The following CASQ2 variants were observed in gnomAD, a reference collection of about 807,000 sequenced individuals.
CASQ2 encodes calsequestrin 2.
A neutral mutation model predicts 46.5 loss-of-function variants in CASQ2; 49 were observed. The observed-to-expected ratio is 1.05, with a 90% confidence interval of 0.84 to 1.34. CASQ2 has a LOEUF of 1.34. Ranked by LOEUF, CASQ2 falls within the 40% of genes most tolerant of loss-of-function variation. The pLI, the probability that CASQ2 is intolerant of heterozygous loss-of-function variation, is 0.00. For missense variants in CASQ2, 486 were observed against 481.3 expected (o/e 1.01, Z -0.09); for synonymous variants, 174 against 168.5 (o/e 1.03, Z -0.25).
intron 4 of CASQ2, among the ~76,000 whole-genome samples, chr1:115,736,164 GA>G (rs61418355): frequency 0.029 from 2,876 of 98,780 alleles, 28 homozygotes; most frequent in Middle Eastern, 0.04. Context: ...ACTCCATCCC[GA>G]AAAAAAAAAA....
At chr1:115,733,986 A>T (rs1474401971) in intron 4 of CASQ2, among the ~76,000 whole-genome samples, 2 of 151,938 alleles carry the variant, frequency 1.3e-5, no homozygotes, top group Non-Finnish European at 2.9e-5. Flanking sequence ...AGAGAGAGCT[A>T]TTGATCCTTA....
At chr1:115,768,202 G>A (rs1420494292) in intron 1 of CASQ2, 106 bp downstream of exon 1, 1 of 802,148 alleles carries the variant, frequency 1.2e-6, no homozygotes, top group Non-Finnish European at 2.3e-6. Flanking sequence ...GCAGAGTTCA[G>A]TATATATTCT....
intron 1 of CASQ2, among the ~76,000 whole-genome samples, chr1:115,751,287 GAGAA>G (rs1648570132): frequency 6.6e-6 from 1 of 152,158 alleles, no homozygotes; most frequent in Non-Finnish European, 1.5e-5. Context: ...ATTATTAATT[GAGAA>G]CCTACTGTGT....
At position 115,768,601 on chromosome 1, in the gene CASQ2, A is replaced by G; in HGVS notation, c.-60T>C. On this transcript the variant is annotated 5_prime_UTR_variant, in exon 1 of 11. Coordinates refer to ENST00000261448, the MANE Select transcript of CASQ2 (RefSeq NM_001232.4). ...CTGTGTGCAGAATAGAGGACAGAAG[A>G]CTGTTAGAGGCCTTGTTGAGCCAAG... The G allele has an allele frequency of 9.3e-7, 1 of 1,080,594 alleles. No individual in the cohort carries two copies. The highest frequency in any genetic ancestry group is 1.4e-6 in the Non-Finnish European group (1 of 713,510). The allele number at this position is 1,080,594 out of a possible 1,614,324, so 66.9% of individuals were successfully genotyped here. A position where few individuals can be genotyped will look rare whatever the true frequency, so the allele number is the denominator to read the frequency against.
At chr1:115,728,426 T>C (rs2997745) in intron 5 of CASQ2, among the ~76,000 whole-genome samples, 91,101 of 151,830 alleles carry the variant, frequency 0.6, 27,831 homozygotes, top group African/African-American at 0.7. Flanking sequence ...GAGAGGGAGA[T>C]GTGGAGTTTT....
intron 1 of CASQ2, among the ~76,000 whole-genome samples, chr1:115,747,895 C>G (rs1000624222): frequency 2.0e-5 from 3 of 152,132 alleles, no homozygotes; most frequent in Admixed American, 6.5e-5. Context: ...AATTTTGTCA[C>G]CTGCTAATAA....
chr1:115,768,244 G>A, intron 1 of CASQ2, 64 bp downstream of exon 1: 1 of 1,069,042 alleles, frequency 9.4e-7, no homozygotes. Flanking sequence ...CCAACCCCTG[G>A]CCAAAGGCAT....
intron 9 of CASQ2, among the ~76,000 whole-genome samples, chr1:115,704,525 A>G (rs1026936951): frequency 6.6e-6 from 1 of 152,248 alleles, no homozygotes; most frequent in African/African-American, 2.4e-5. Context: ...TATATCAGCT[A>G]TGCTTATTAT....
At chr1:115,753,717 C>A (rs961776728) in intron 1 of CASQ2, among the ~76,000 whole-genome samples, 2 of 152,116 alleles carry the variant, frequency 1.3e-5, no homozygotes, top group Non-Finnish European at 2.9e-5. Flanking sequence ...CAGGGAAAGA[C>A]AGGAAGAAAG....
chr1:115,744,384 T>C (rs565890742), intron 2 of CASQ2, among the ~76,000 whole-genome samples: 27 of 152,322 alleles, frequency 1.8e-4, no homozygotes, highest in East Asian at 1.9e-4. Flanking sequence ...AAAAGCACTG[T>C]TACCCTGGAA....
chr1:115,708,075 C>T (rs1172810576), intron 8 of CASQ2, among the ~76,000 whole-genome samples: 1 of 152,188 alleles, frequency 6.6e-6, no homozygotes, highest in Non-Finnish European at 1.5e-5. Flanking sequence ...AACTTACCTA[C>T]TACGTTCCTA....
At chr1:115,729,305 G>C (rs1356215995) in intron 5 of CASQ2, among the ~76,000 whole-genome samples, 1 of 151,666 alleles carries the variant, frequency 6.6e-6, no homozygotes, top group African/African-American at 2.4e-5. Context: ...CTCCCCCCTC[G>C]GCCTCCCAAA....
At chr1:115,702,067 C>T (rs1466004695) in intron 10 of CASQ2, among the ~76,000 whole-genome samples, 2 of 152,076 alleles carry the variant, frequency 1.3e-5, no homozygotes, top group Non-Finnish European at 1.5e-5. Flanking sequence ...GTGTTACAGG[C>T]ACCCATGACC....
At chr1:115,726,165 C>T (rs140338229) in intron 6 of CASQ2, among the ~76,000 whole-genome samples, 1,551 of 152,296 alleles carry the variant, frequency 0.01, 20 homozygotes, top group Middle Eastern at 0.027. Context: ...CACAGTACTG[C>T]AGGTCCAATG....
At position 115,701,391 on chromosome 1, in the gene CASQ2, GTCA is replaced by G. The variant is rs1450327508; in HGVS notation, c.1047_1049del (p.Asp351del). ...CCAGCTCCTCAGCAGTTGGAAGATC[GTCA>G]TCATCTGGAATCTCCATCCAGACAC... On this transcript the variant is annotated inframe_deletion, in exon 11 of 11. Transcript: ENST00000261448. 6.2e-7 allele frequency: 1 copy of G among 1,613,684 alleles called. No individual in the cohort carries two copies. The highest frequency in any genetic ancestry group is 8.5e-7 in the Non-Finnish European group (1 of 1,179,676).
intron 8 of CASQ2, among the ~76,000 whole-genome samples, chr1:115,710,055 G>A (rs1215929559): frequency 2.0e-5 from 3 of 152,040 alleles, no homozygotes; most frequent in African/African-American, 7.2e-5. Context: ...TGTTGTCCAG[G>A]CTCATCTTGA....
At chr1:115,750,829 T>C (rs1648555541) in intron 1 of CASQ2, among the ~76,000 whole-genome samples, 1 of 149,110 alleles carries the variant, frequency 6.7e-6, no homozygotes, top group Non-Finnish European at 1.5e-5. Flanking sequence ...TTAAATAATA[T>C]GCATAATTCA....
At chr1:115,716,336 G>T (rs779020908) in intron 8 of CASQ2, among the ~76,000 whole-genome samples, 1 of 152,072 alleles carries the variant, frequency 6.6e-6, no homozygotes, top group Non-Finnish European at 1.5e-5. Context: ...CCATTTACAG[G>T]GTCATCTTGC....
At chr1:115,709,437 G>C (rs72703615) in intron 8 of CASQ2, among the ~76,000 whole-genome samples, 69 of 152,286 alleles carry the variant, frequency 4.5e-4, no homozygotes, top group Non-Finnish European at 8.5e-4. Flanking sequence ...GCCCTTTCAA[G>C]ACTATGGTCA....
Sources: allele counts gnomAD v4.1 joint callset (sites outside exome capture counted in the v4.1 genomes callset), GRCh38; gene constraint gnomAD v4.1.1; transcripts MANE v1.5; gene names NCBI Gene and HGNC (gene_info 2026-07-23, HGNC 2026-07-21).